The following CUL3 variants were observed in gnomAD, a reference collection of about 807,000 sequenced individuals.
CUL3 encodes the protein cullin 3.
A neutral mutation model predicts 89.1 loss-of-function variants in CUL3; 19 were observed. That is an observed-to-expected ratio of 0.21 (90% confidence interval 0.15 to 0.31). The LOEUF is 0.31. Ranked by LOEUF, CUL3 falls within the 10% of genes least tolerant of loss-of-function variation. The pLI is 1.00. For synonymous variants in CUL3, 351 were observed against 308.4 expected, an observed-to-expected ratio of 1.14 and a Z score of -1.45; for missense variants, 469 against 942.3, an observed-to-expected ratio of 0.50 and a Z score of 6.58.
chr2:224,566,011 C>CT (rs1695032578), intron 1 of CUL3, among the ~76,000 whole-genome samples: 1 of 152,176 alleles, frequency 6.6e-6, no homozygotes, highest in Non-Finnish European at 1.5e-5. Flanking sequence ...CAATGACAAT[C>CT]TTTTCCATAG....
intron 1 of CUL3, among the ~76,000 whole-genome samples, chr2:224,564,965 T>C (rs1261495794): frequency 6.6e-6 from 1 of 152,220 alleles, no homozygotes; most frequent in African/African-American, 2.4e-5. Flanking sequence ...CTCCTTCTTA[T>C]CCAATCATCA....
intron 2 of CUL3, among the ~76,000 whole-genome samples, chr2:224,539,991 G>T (rs7588622): frequency 3.9e-5 from 4 of 102,882 alleles, no homozygotes; most frequent in East Asian, 7.3e-4. Context: ...GTGCATACAG[G>T]GGGGGAGGCT....
At chr2:224,563,965 T>C (rs1442661624) in intron 1 of CUL3, among the ~76,000 whole-genome samples, 1 of 152,148 alleles carries the variant, frequency 6.6e-6, no homozygotes, top group Admixed American at 6.5e-5. Context: ...AAAAAAGGTA[T>C]GCTGAGATTG....
intron 13 of CUL3, among the ~76,000 whole-genome samples, chr2:224,488,197 C>T (rs544486007): frequency 2.8e-4 from 42 of 151,588 alleles, no homozygotes; most frequent in African/African-American, 9.9e-4. Context: ...ACTAGACAAG[C>T]AAGAGCAAAC....
intron 3 of CUL3, among the ~76,000 whole-genome samples, chr2:224,532,062 T>A (rs539898290): frequency 3.0e-4 from 45 of 152,318 alleles, no homozygotes; most frequent in Admixed American, 7.8e-4. Flanking sequence ...ATGATAGTGA[T>A]TATCAACTGA....
At chr2:224,498,396 C>CA (rs1559347194) in intron 11 of CUL3, among the ~76,000 whole-genome samples, 1 of 151,902 alleles carries the variant, frequency 6.6e-6, no homozygotes, top group African/African-American at 2.4e-5. Context: ...TCACTATCCA[C>CA]ACCATATTTT....
intron 1 of CUL3, among the ~76,000 whole-genome samples, chr2:224,584,334 T>C (rs1695520373): frequency 6.6e-6 from 1 of 152,096 alleles, no homozygotes; most frequent in Non-Finnish European, 1.5e-5. Flanking sequence ...CAAGAGTTTG[T>C]AAAGTGCTTA....
intron 13 of CUL3, among the ~76,000 whole-genome samples, chr2:224,484,223 T>C (rs1218654103): frequency 6.6e-6 from 1 of 152,118 alleles, no homozygotes; most frequent in African/African-American, 2.4e-5. Flanking sequence ...TTCAAGTTGC[T>C]TAACAATTTA....
intron 3 of CUL3, among the ~76,000 whole-genome samples, chr2:224,518,323 T>C (rs887252127): frequency 2.6e-5 from 4 of 152,242 alleles, no homozygotes; most frequent in Non-Finnish European, 5.9e-5. Context: ...TGTTTAGGGC[T>C]AAACAGCACT....
At chr2:224,555,567 A>C (rs1227533427) in intron 2 of CUL3, among the ~76,000 whole-genome samples, 1 of 152,158 alleles carries the variant, frequency 6.6e-6, no homozygotes, top group Non-Finnish European at 1.5e-5. Context: ...TCTGGCACCC[A>C]AATTTTTCTA....
intron 1 of CUL3, among the ~76,000 whole-genome samples, chr2:224,576,687 A>G (rs1347672961): frequency 3.0e-4 from 37 of 121,810 alleles, no homozygotes; most frequent in East Asian, 1.5e-3. Context: ...GTGAAAAAAA[A>G]GGGGGGGGGG....
At chr2:224,573,057 T>C (rs1382212752) in intron 1 of CUL3, among the ~76,000 whole-genome samples, 3 of 152,354 alleles carry the variant, frequency 2.0e-5, no homozygotes, top group East Asian at 1.9e-4. Flanking sequence ...TGGCTAGTGA[T>C]AGCATTCATC....
chr2:224,489,891 G>C (rs1336544544), intron 13 of CUL3, among the ~76,000 whole-genome samples: 1 of 152,106 alleles, frequency 6.6e-6, no homozygotes, highest in South Asian at 2.1e-4. Flanking sequence ...TGCACAGCAA[G>C]GAAACTATCA....
Position 224,481,811 on chromosome 2 carries a change from A to G in CUL3, c.2029+81T>C. 2.9e-6 allele frequency: 3 copies of G among 1,021,680 alleles called. 1 individual carries two copies. Among genetic ancestry groups the G allele is most frequent in the Non-Finnish European group, 1.3e-6 (1 of 745,838 alleles). 63.3% of individuals were successfully genotyped at this position (1,021,680 alleles called of 1,614,324 possible). A position where few individuals can be genotyped will look rare whatever the true frequency, so the allele number is the denominator to read the frequency against. On this transcript the variant is annotated intron_variant, in intron 14 of 15. Transcript: ENST00000264414. The stretch of plus-strand genomic sequence containing the variant: ...CAGCACCAGAAAAGGAGTATTTTTA[A>G]AAGAAATCCAATAGATGAGATTTTT...
chr2:224,511,021 G>C (rs1692804442), intron 6 of CUL3, among the ~76,000 whole-genome samples: 1 of 152,144 alleles, frequency 6.6e-6, no homozygotes, highest in East Asian at 1.9e-4. Flanking sequence ...TAGGACTAAA[G>C]AGAGCCCACA....
chr2:224,501,433 AAAC>A (rs532994867), intron 10 of CUL3, among the ~76,000 whole-genome samples: 1 of 152,250 alleles, frequency 6.6e-6, no homozygotes, highest in Non-Finnish European at 1.5e-5. Flanking sequence ...ATTTTTAAGT[AAAC>A]AACAATAAGG....
intron 3 of CUL3, among the ~76,000 whole-genome samples, chr2:224,521,137 A>C (rs1182492097): frequency 2.6e-5 from 4 of 152,254 alleles, no homozygotes; most frequent in Non-Finnish European, 4.4e-5. Flanking sequence ...AATATTTTTA[A>C]TAGTCATTAT....
intron 3 of CUL3, chr2:224,533,072 A>G (rs1429153803): frequency 6.6e-6 from 1 of 152,250 alleles, no homozygotes; most frequent in African/African-American, 2.4e-5. Context: ...CTGAAGAGAA[A>G]TAACTGCTGG....
At position 224,470,641 on chromosome 2, in the gene CUL3, T is replaced by C. The variant is rs929155648; in HGVS notation, c.*3604A>G. The C allele has an allele frequency of 1.3e-5, 3 of 231,822 alleles. No homozygotes were observed. Among genetic ancestry groups the C allele is most frequent in the Non-Finnish European group, 2.6e-5 (3 of 117,244 alleles). 14.4% of individuals were successfully genotyped at this position (231,822 alleles called of 1,614,324 possible). A position where few individuals can be genotyped will look rare whatever the true frequency, so the allele number is the denominator to read the frequency against. ...CCACTTAAGTATGTAAAACTTTCTC[T>C]AAGATTGTAGGAGACAAAGCGCCTA... On this transcript the variant is annotated 3_prime_UTR_variant, in exon 16 of 16. Coordinates refer to ENST00000264414, the MANE Select transcript of CUL3 (RefSeq NM_003590.5).
Sources: allele counts gnomAD v4.1 joint callset (sites outside exome capture counted in the v4.1 genomes callset), GRCh38; gene constraint gnomAD v4.1.1; transcripts MANE v1.5; gene names NCBI Gene and HGNC (gene_info 2026-07-23, HGNC 2026-07-21).